Variants in MNAT1 observed in about 807,000 individuals in gnomAD.
The protein encoded by MNAT1 is MNAT1 component of CDK activating kinase.
MNAT1 carries 43 observed loss-of-function variants against 42.0 expected under a neutral mutation model. That is an observed-to-expected ratio of 1.02 (90% CI 0.80 to 1.32). The LOEUF is 1.32. Ranked by LOEUF, MNAT1 falls within the 40% of genes most tolerant of loss-of-function variation. The pLI is 0.00. For missense variants in MNAT1, 306 were observed against 350.4 expected, an observed-to-expected ratio of 0.87 and a Z score of 1.01; for synonymous variants, 118 against 120.0, an observed-to-expected ratio of 0.98 and a Z score of 0.11.
intron 1 of MNAT1, chr14:60,780,089 T>A (rs1192366856): frequency 4.1e-6 from 6 of 1,461,048 alleles, no homozygotes; most frequent in Non-Finnish European, 5.8e-6. Flanking sequence ...GCGTGGCATT[T>A]ATCCATCTGA....
chr14:60,944,339 C>A (rs1313360207), intron 7 of MNAT1, among the ~76,000 whole-genome samples: 2 of 152,150 alleles, frequency 1.3e-5, no homozygotes, highest in African/African-American at 4.8e-5. Context: ...TATATGAATT[C>A]ATGAGGGTGG....
chr14:60,941,935 C>A (rs2036170451), intron 7 of MNAT1, among the ~76,000 whole-genome samples: 2 of 121,514 alleles, frequency 1.6e-5, no homozygotes, highest in South Asian at 5.8e-4. Flanking sequence ...AACCTGGAGG[C>A]GGAACTTGCA....
chr14:60,829,679 TG>T, intron 6 of MNAT1, among the ~76,000 whole-genome samples: 1 of 152,322 alleles, frequency 6.6e-6, no homozygotes, highest in Middle Eastern at 3.4e-3. Context: ...CAGTATTCTA[TG>T]AGTGGTGGGA....
chr14:60,738,909 A>G (rs1014260246), intron 1 of MNAT1, among the ~76,000 whole-genome samples: 6 of 152,336 alleles, frequency 3.9e-5, no homozygotes, highest in Non-Finnish European at 7.3e-5. Context: ...GGGATTGAAT[A>G]TAGGCATTTT....
At chr14:60,829,475 G>GT (rs2033155190) in intron 6 of MNAT1, among the ~76,000 whole-genome samples, 1 of 152,072 alleles carries the variant, frequency 6.6e-6, no homozygotes, top group East Asian at 1.9e-4. Context: ...TGAGTTTTAT[G>GT]TAATATTCTT....
intron 1 of MNAT1, among the ~76,000 whole-genome samples, chr14:60,744,789 G>A (rs569427548): frequency 1.3e-5 from 2 of 152,246 alleles, no homozygotes; most frequent in East Asian, 3.9e-4. Context: ...CTTATTCTAG[G>A]ATGTGGTTCT....
chr14:60,782,320 G>A (rs1369079805), intron 1 of MNAT1, among the ~76,000 whole-genome samples: 2 of 152,106 alleles, frequency 1.3e-5, no homozygotes, highest in Non-Finnish European at 2.9e-5. Context: ...GTAGAAAAGG[G>A]TGAGAAGGAC....
At chr14:60,835,775 G>T (rs569402342) in intron 6 of MNAT1, among the ~76,000 whole-genome samples, 2 of 152,226 alleles carry the variant, frequency 1.3e-5, no homozygotes, top group South Asian at 4.2e-4. Flanking sequence ...TTTGAATGTT[G>T]GCCTGCCTTG....
intron 7 of MNAT1, among the ~76,000 whole-genome samples, chr14:60,947,398 T>G (rs2139599235): frequency 6.6e-6 from 1 of 152,178 alleles, no homozygotes; most frequent in East Asian, 1.9e-4. Flanking sequence ...TACAATAATT[T>G]ATGTTAAATT....
At chr14:60,748,080 C>T (rs2029909325) in intron 1 of MNAT1, among the ~76,000 whole-genome samples, 1 of 151,952 alleles carries the variant, frequency 6.6e-6, no homozygotes, top group African/African-American at 2.4e-5. Context: ...CCTGTAGTCC[C>T]AAGCTACTTG....
chr14:60,873,963 G>T (rs1411372764), intron 6 of MNAT1, among the ~76,000 whole-genome samples: 2 of 152,084 alleles, frequency 1.3e-5, no homozygotes, highest in East Asian at 3.9e-4. Flanking sequence ...TATAAACTGT[G>T]ATGAACAGAC....
chr14:60,888,433 T>A (rs1342713144), intron 7 of MNAT1, among the ~76,000 whole-genome samples: 3 of 152,058 alleles, frequency 2.0e-5, no homozygotes, highest in Admixed American at 6.5e-5. Flanking sequence ...AATTAGGTAT[T>A]GATGGGACAT....
chr14:60,855,917 C>T (rs2033947789), intron 6 of MNAT1, among the ~76,000 whole-genome samples: 1 of 152,188 alleles, frequency 6.6e-6, no homozygotes, highest in Non-Finnish European at 1.5e-5. Flanking sequence ...TTCTACTCCA[C>T]CAATTGCCCC....
At chr14:60,772,903 T>A (rs575932169) in intron 1 of MNAT1, among the ~76,000 whole-genome samples, 15 of 149,926 alleles carry the variant, frequency 1.0e-4, no homozygotes, top group Middle Eastern at 3.4e-3. Context: ...TTTTTTTTTT[T>A]AATTTTTTAA....
chr14:60,836,114 T>C (rs186401577), intron 6 of MNAT1, among the ~76,000 whole-genome samples: 88 of 152,308 alleles, frequency 5.8e-4, no homozygotes, highest in East Asian at 5.6e-3. Flanking sequence ...TTTAAACTGC[T>C]TATTCTGGTT....
chr14:60,787,324 A>G (rs941360290), intron 1 of MNAT1, among the ~76,000 whole-genome samples: 1 of 152,204 alleles, frequency 6.6e-6, no homozygotes, highest in African/African-American at 2.4e-5. Flanking sequence ...TATCAATATG[A>G]CTAAAAAACA....
At chr14:60,933,073 T>A (rs928412244) in intron 7 of MNAT1, among the ~76,000 whole-genome samples, 2 of 152,044 alleles carry the variant, frequency 1.3e-5, no homozygotes, top group Admixed American at 1.3e-4. Context: ...TCCTCCTTTA[T>A]GAAATGGAGA....
At chr14:60,959,324 T>G (rs1040978929) in intron 7 of MNAT1, among the ~76,000 whole-genome samples, 1 of 152,206 alleles carries the variant, frequency 6.6e-6, no homozygotes, top group Non-Finnish European at 1.5e-5. Context: ...TGGAATCCTG[T>G]GCAGAGCAGG....
chr14:60,771,726 C>A (rs1419555402), intron 1 of MNAT1, among the ~76,000 whole-genome samples: 2 of 152,180 alleles, frequency 1.3e-5, no homozygotes, highest in Non-Finnish European at 2.9e-5. Flanking sequence ...TAGCTCTTCT[C>A]TTCTAACACT....
Sources: allele counts gnomAD v4.1 joint callset (sites outside exome capture counted in the v4.1 genomes callset), GRCh38; gene constraint gnomAD v4.1.1; transcripts MANE v1.5; gene names NCBI Gene and HGNC (gene_info 2026-07-23, HGNC 2026-07-21).